AGMO: variants seen among roughly 807,000 people sequenced by gnomAD.
The protein encoded by AGMO is glyceryl-ether monooxygenase.
Under a neutral mutation model 60.2 loss-of-function variants are expected in AGMO, and 75 were observed. The observed-to-expected ratio is 1.25, with a 90% confidence interval of 1.03 to 1.51. AGMO has a LOEUF of 1.51. AGMO is among the 40% of genes most tolerant of loss of function. The pLI is 0.00. For missense variants in AGMO, 763 were observed against 525.5 expected (o/e 1.45, Z -4.42); for synonymous variants, 261 against 177.1 (o/e 1.47, Z -3.76).
intron 12 of AGMO, among the ~76,000 whole-genome samples, chr7:15,206,582 T>C (rs1211311808): frequency 6.6e-6 from 1 of 152,124 alleles, no homozygotes; most frequent in African/African-American, 2.4e-5. Flanking sequence ...TCACAGTTCT[T>C]AGCTGATGAA....
At chr7:15,432,379 T>TATATATAGATATATATATATATATATAC (rs373845365) in intron 3 of AGMO, among the ~76,000 whole-genome samples, 1 of 136,198 alleles carries the variant, frequency 7.3e-6, no homozygotes, top group African/African-American at 2.8e-5. Flanking sequence ...CATATATATA[T>TATATATAGATATATATATATATATATAC]ACACTATCTG....
chr7:15,399,634 G>C (rs1190901646), intron 5 of AGMO, among the ~76,000 whole-genome samples: 1 of 152,092 alleles, frequency 6.6e-6, no homozygotes, highest in East Asian at 1.9e-4. Context: ...CAACAAAAAT[G>C]CTCTGGACAA....
chr7:15,149,643 G>T, the AGMO span, among the ~76,000 whole-genome samples: 220 of 152,112 alleles, frequency 1.4e-3, no homozygotes, highest in African/African-American at 5.0e-3. Flanking sequence ...CTTTATTTCT[G>T]GGTTCTCTAA....
At chr7:15,292,784 T>A (rs1784309851) in intron 12 of AGMO, among the ~76,000 whole-genome samples, 1 of 133,848 alleles carries the variant, frequency 7.5e-6, no homozygotes, top group Non-Finnish European at 1.5e-5. Context: ...TGAGACATAG[T>A]CTCACTCTTG....
At chr7:15,253,139 G>A (rs778111781) in intron 12 of AGMO, among the ~76,000 whole-genome samples, 5 of 152,000 alleles carry the variant, frequency 3.3e-5, no homozygotes, top group African/African-American at 7.3e-5. Flanking sequence ...AAGAAATAAC[G>A]GCATAGAAAA....
the AGMO span, among the ~76,000 whole-genome samples, chr7:15,121,734 A>G: frequency 1.3e-5 from 2 of 152,140 alleles, no homozygotes; most frequent in African/African-American, 4.8e-5. Flanking sequence ...ACTGATATAT[A>G]GACCAATGGA....
chr7:15,284,874 T>C (rs1056802832), intron 12 of AGMO, among the ~76,000 whole-genome samples: 10 of 151,732 alleles, frequency 6.6e-5, no homozygotes, highest in Admixed American at 1.3e-4. Context: ...AAAAAGATAA[T>C]AAATCATGAT....
intron 10 of AGMO, among the ~76,000 whole-genome samples, chr7:15,369,196 A>G (rs1249479129): frequency 6.6e-6 from 1 of 151,990 alleles, no homozygotes; most frequent in African/African-American, 2.4e-5. Context: ...GATCTCCCCA[A>G]CAATTGTTGA....
chr7:15,440,746 C>A (rs1370810013), intron 3 of AGMO, among the ~76,000 whole-genome samples: 1 of 152,076 alleles, frequency 6.6e-6, no homozygotes, highest in Non-Finnish European at 1.5e-5. Flanking sequence ...CACTTGCAAC[C>A]CAGGAGATGA....
intron 3 of AGMO, among the ~76,000 whole-genome samples, chr7:15,506,910 T>C (rs1783525589): frequency 6.6e-6 from 1 of 151,920 alleles, no homozygotes; most frequent in Non-Finnish European, 1.5e-5. Flanking sequence ...CTCCCAAAGT[T>C]AAAGAAAATT....
chr7:15,174,205 A>T, the AGMO span, among the ~76,000 whole-genome samples: 1 of 152,080 alleles, frequency 6.6e-6, no homozygotes, highest in Non-Finnish European at 1.5e-5. Context: ...TTAGATATAA[A>T]TAGAAATAAT....
At chr7:15,238,038 C>CAGT (rs1563049304) in intron 12 of AGMO, among the ~76,000 whole-genome samples, 2 of 152,106 alleles carry the variant, frequency 1.3e-5, no homozygotes, top group African/African-American at 4.8e-5. Flanking sequence ...CATTGACCAG[C>CAGT]CTCTCCCTTA....
At chr7:15,512,386 G>A (rs1783698632) in intron 3 of AGMO, among the ~76,000 whole-genome samples, 1 of 152,032 alleles carries the variant, frequency 6.6e-6, no homozygotes, top group African/African-American at 2.4e-5. Flanking sequence ...TCAAGTAGCT[G>A]GGACCACAGG....
chr7:15,254,766 A>G (rs2128507612), intron 12 of AGMO, among the ~76,000 whole-genome samples: 1 of 152,246 alleles, frequency 6.6e-6, no homozygotes, highest in Non-Finnish European at 1.5e-5. Context: ...AGACTCAAAC[A>G]AAATCAGAGA....
chr7:15,327,336 C>T (rs903035058), intron 12 of AGMO, among the ~76,000 whole-genome samples: 2 of 152,106 alleles, frequency 1.3e-5, no homozygotes, highest in African/African-American at 4.8e-5. Context: ...TTGGAGAAGA[C>T]CAAACATCTT....
chr7:15,143,777 A>G, the AGMO span, among the ~76,000 whole-genome samples: 5 of 150,956 alleles, frequency 3.3e-5, no homozygotes, highest in African/African-American at 1.2e-4. Flanking sequence ...TTAAAACTTC[A>G]TGTTTTCTTA....
intron 12 of AGMO, among the ~76,000 whole-genome samples, chr7:15,256,301 G>C (rs1336884715): frequency 2.0e-5 from 3 of 152,078 alleles, no homozygotes; most frequent in South Asian, 2.1e-4. Context: ...CCACATATAC[G>C]GTGGTGGTCC....
chr7:15,385,595 C>T (rs750334904), intron 9 of AGMO, 33 bp from the exon 10 acceptor site: 5 of 1,199,740 alleles, frequency 4.2e-6, no homozygotes, highest in Non-Finnish European at 6.1e-6. Context: ...CTTTATATTG[C>T]TCCAGACTCA....
intron 12 of AGMO, among the ~76,000 whole-genome samples, chr7:15,363,669 G>A (rs917831705): frequency 6.6e-6 from 1 of 152,044 alleles, no homozygotes; most frequent in Non-Finnish European, 1.5e-5. Context: ...CTTAAAAGCT[G>A]GACATACTAC....
Sources: allele counts gnomAD v4.1 joint callset (sites outside exome capture counted in the v4.1 genomes callset), GRCh38; gene constraint gnomAD v4.1.1; transcripts MANE v1.5; gene names NCBI Gene and HGNC (gene_info 2026-07-23, HGNC 2026-07-21).